PACRGL: variants seen among roughly 807,000 people sequenced by gnomAD.
The protein encoded by PACRGL is parkin coregulated like, also known as PACRG-like protein.
A neutral mutation model predicts 34.5 loss-of-function variants in PACRGL; 38 were observed. The observed-to-expected ratio is 1.10, with a 90% CI of 0.85 to 1.44. The LOEUF (loss-of-function observed/expected upper bound fraction) is 1.44, where lower values mean the gene tolerates loss of function less well. Among genes scored for constraint, PACRGL ranks in the 40% most tolerant of loss-of-function variants. The pLI, the probability that PACRGL is intolerant of heterozygous loss-of-function variation, is 0.00. For synonymous variants in PACRGL, 128 were observed against 100.1 expected (o/e 1.28, Z -1.66); for missense variants, 305 against 281.4 (o/e 1.08, Z -0.60).
chr4:20,709,984 A>T (rs1736362886), intron 5 of PACRGL: 2 of 475,188 alleles, frequency 4.2e-6, no homozygotes, highest in South Asian at 6.4e-5. Context: ...ACATGGAATT[A>T]GTCTGCATAG....
chr4:20,696,552 A>T (rs1267800091), upstream of PACRGL: 2 of 152,190 alleles, frequency 1.3e-5, no homozygotes, highest in Non-Finnish European at 2.9e-5. Context: ...ACTACTATGA[A>T]CCATAAAGGA....
At position 20,728,722 on chromosome 4, in the gene PACRGL, C is replaced by CTTAAT. The variant is rs1452924319; in HGVS notation, c.*1384_*1388dup. 6.6e-6 allele frequency: 1 copy of CTTAAT among 152,562 alleles called. No individual in the cohort carries two copies. The highest frequency in any genetic ancestry group is 1.9e-4 in the East Asian group (1 of 5,182). 9.5% of individuals were successfully genotyped at this position (152,562 alleles called of 1,614,324 possible). Reference sequence around the variant, plus strand: ...TTCAGTGTACATGTATTGTACTACTCTTAATTTCTACACTGGTGATAGCAG... The same window carrying CTTAAT: ...TTCAGTGTACATGTATTGTACTACTCTTAATTTAATTTCTACACTGGTGATAGCAG... On this transcript the variant is annotated 3_prime_UTR_variant, in exon 9 of 9. Coordinates refer to ENST00000503585, the MANE Select transcript of PACRGL (RefSeq NM_001258345.3).
chr4:20,744,816 T>G (rs1430656997), intron 8 of PACRGL, among the ~76,000 whole-genome samples: 6 of 152,050 alleles, frequency 3.9e-5, no homozygotes, highest in Non-Finnish European at 8.8e-5. Context: ...TTAAGTCAAG[T>G]GTGGACTTGT....
At chr4:20,719,812 T>C (rs1328324325) in intron 7 of PACRGL, among the ~76,000 whole-genome samples, 2 of 151,958 alleles carry the variant, frequency 1.3e-5, no homozygotes, top group African/African-American at 4.8e-5. Context: ...TTCTGTTGAT[T>C]TGGGGTGGAG....
At chr4:20,739,245 C>T (rs1331251030) in intron 8 of PACRGL, among the ~76,000 whole-genome samples, 1 of 152,204 alleles carries the variant, frequency 6.6e-6, no homozygotes, top group Non-Finnish European at 1.5e-5. Flanking sequence ...GTTCTCCCAG[C>T]ATGGAGTTTG....
At chr4:20,732,842 A>G (rs1329637320), downstream of PACRGL, 1 of 1,057,340 alleles carries the variant, frequency 9.5e-7, no homozygotes, top group Non-Finnish European at 1.4e-6. Flanking sequence ...AAACCAGTCT[A>G]AGAAGCTCTG....
At chr4:20,761,582 G>A in the PACRGL span, among the ~76,000 whole-genome samples, 2 of 152,150 alleles carry the variant, frequency 1.3e-5, no homozygotes, top group Non-Finnish European at 2.9e-5. Context: ...CAGGTGGCAA[G>A]CTTGTGCAAA....
At chr4:20,720,358 C>G (rs1021163372) in intron 7 of PACRGL, among the ~76,000 whole-genome samples, 13 of 152,136 alleles carry the variant, frequency 8.5e-5, no homozygotes, top group South Asian at 2.1e-4. Context: ...TTGTGTGAAT[C>G]TGATCCTGTC....
Position 20,728,846 on chromosome 4 carries a change from T to C in PACRGL, c.*1505T>C, listed in dbSNP as rs1238574274. 1 of 152,570 alleles carries C rather than the reference T, an allele frequency of 6.6e-6. No individual in the cohort carries two copies. Among genetic ancestry groups the C allele is most frequent in the Admixed American group, 6.5e-5 (1 of 15,276 alleles). 9.5% of individuals were successfully genotyped at this position (152,570 alleles called of 1,614,324 possible). A position where few individuals can be genotyped will look rare whatever the true frequency, so the allele number is the denominator to read the frequency against. On this transcript the variant is annotated 3_prime_UTR_variant, in exon 9 of 9. Coordinates refer to ENST00000503585, the MANE Select transcript of PACRGL (RefSeq NM_001258345.3). ...CCTCCTTCTGTAGCCTCTTGGTCTT[T>C]GTGATATTTCTACAAAACAGGGACG...
chr4:20,727,177 C>T (rs1280650236), intron 8 of PACRGL, 108 bp from the exon 9 acceptor site: 11 of 929,906 alleles, frequency 1.2e-5, no homozygotes, highest in East Asian at 7.3e-5. Flanking sequence ...GTTCTTACCC[C>T]TTTTTGTTTG....
At chr4:20,752,480 T>C (rs1370340271) in intron 8 of PACRGL, 7 of 152,230 alleles carry the variant, frequency 4.6e-5, no homozygotes, top group Non-Finnish European at 1.0e-4. Context: ...CAAGCCACTT[T>C]TATTTCAACT....
At chr4:20,760,353 T>C in the PACRGL span, among the ~76,000 whole-genome samples, 1 of 152,200 alleles carries the variant, frequency 6.6e-6, no homozygotes. Context: ...AATTTGATAC[T>C]GTTTCCAGCA....
intron 7 of PACRGL, among the ~76,000 whole-genome samples, chr4:20,714,216 C>T (rs1738674203): frequency 6.6e-6 from 1 of 152,136 alleles, no homozygotes; most frequent in South Asian, 2.1e-4. Context: ...GGATAGTTAG[C>T]TCTTCTTGTT....
chr4:20,746,264 T>C (rs931442365), intron 8 of PACRGL, among the ~76,000 whole-genome samples: 2 of 151,878 alleles, frequency 1.3e-5, no homozygotes, highest in African/African-American at 4.8e-5. Context: ...CAGCAAACTA[T>C]CATGAGAACA....
At chr4:20,734,653 T>C (rs757980915), downstream of PACRGL, 1 of 1,569,538 alleles carries the variant, frequency 6.4e-7, no homozygotes, top group Admixed American at 1.8e-5. Context: ...GCCATCTTTA[T>C]TTATGTCATA....
chr4:20,722,030 G>A (rs948537182), intron 7 of PACRGL, among the ~76,000 whole-genome samples: 7 of 152,216 alleles, frequency 4.6e-5, no homozygotes, highest in Admixed American at 2.0e-4. Flanking sequence ...AATGGCGGGC[G>A]CCCCTCTCCC....
rs1748310429 is a variant in PACRGL at position 20,731,817 on chromosome 4, G to T, written c.*4476G>T. Reference sequence around the variant, plus strand: ...TTTCCTCCATAGCCTGACTCAGTGGGCACTCTAAATGTTGATTATGTAATT... The same window carrying T: ...TTTCCTCCATAGCCTGACTCAGTGGTCACTCTAAATGTTGATTATGTAATT... On this transcript the variant is annotated 3_prime_UTR_variant, in exon 9 of 9. Coordinates refer to ENST00000503585, the MANE Select transcript of PACRGL (RefSeq NM_001258345.3). 2 of 985,222 alleles carry T rather than the reference G, an allele frequency of 2.0e-6. No individual in the cohort carries two copies. The highest frequency in any genetic ancestry group is 6.2e-5 in the Admixed American group (1 of 16,250). 61.0% of individuals were successfully genotyped at this position (985,222 alleles called of 1,614,324 possible).
intron 5 of PACRGL, among the ~76,000 whole-genome samples, chr4:20,711,635 T>C (rs552704540): frequency 6.6e-6 from 1 of 152,354 alleles, no homozygotes; most frequent in South Asian, 2.1e-4. Flanking sequence ...CAGCTGATTA[T>C]ATTTCTTCAT....
intron 8 of PACRGL, among the ~76,000 whole-genome samples, chr4:20,748,779 C>G (rs1014117854): frequency 6.0e-5 from 9 of 149,882 alleles, no homozygotes; most frequent in African/African-American, 2.2e-4. Context: ...CACAGCTGAT[C>G]AGAGTTCATG....
Sources: gnomAD v4.1 joint callset for allele counts (sites outside exome capture counted in the v4.1 genomes callset) on GRCh38, gnomAD v4.1.1 for gene constraint, MANE v1.5 for transcripts, NCBI Gene and HGNC (gene_info 2026-07-23, HGNC 2026-07-21) for gene names.